Variants in ARID5B observed in about 807,000 individuals in gnomAD.
ARID5B encodes the protein AT-rich interactive domain-containing protein 5B.
A neutral mutation model predicts 97.2 loss-of-function variants in ARID5B; 13 were observed. The ratio of observed to expected loss-of-function variants is 0.13; its 90% confidence interval spans 0.09 to 0.21. ARID5B has a LOEUF of 0.21. ARID5B is among the 10% of genes least tolerant of loss of function. The pLI, the probability that ARID5B is intolerant of heterozygous loss-of-function variation, is 1.00. For missense variants in ARID5B, 1,210 were observed against 1,465.3 expected (o/e 0.83, Z 2.84); for synonymous variants, 556 against 570.3 (o/e 0.97, Z 0.36).
rs59658634 is a variant in ARID5B at position 61,952,843 on chromosome 10, G to GGTGTGTGT, written c.502+12455_502+12462dup. On this transcript the variant is annotated intron_variant, in intron 3 of 9. Coordinates refer to ENST00000279873, the MANE Select transcript of ARID5B (RefSeq NM_032199.3). Reference sequence around the variant, plus strand: ...CCTGAGGATTGTAGGTGGTGTTATAGGTGTGTGTGTGTGTGTGTGTGTGTG... The same window carrying GGTGTGTGT: ...CCTGAGGATTGTAGGTGGTGTTATAGGTGTGTGTGTGTGTGTGTGTGTGTGTGTGTGTG... Among the ~76,000 whole-genome samples the GGTGTGTGT allele has an allele frequency of 4.7e-5, 7 of 147,776 alleles. No homozygotes were observed. In the South Asian group the frequency reaches 8.7e-4, roughly 18 times the overall value.
intron 2 of ARID5B, among the ~76,000 whole-genome samples, chr10:61,912,260 G>A (rs934697381): frequency 1.1e-4 from 16 of 152,132 alleles, no homozygotes; most frequent in Non-Finnish European, 4.4e-5. Flanking sequence ...TTTAAAATGT[G>A]TATATATAGG....
intron 8 of ARID5B, among the ~76,000 whole-genome samples, chr10:62,084,792 G>C (rs1840259439): frequency 6.6e-6 from 1 of 152,138 alleles, no homozygotes; most frequent in Non-Finnish European, 1.5e-5. Context: ...TATGCAGTTT[G>C]TTTAAAAAGT....
At chr10:61,930,604 C>G (rs770811059) in intron 2 of ARID5B, among the ~76,000 whole-genome samples, 1 of 151,870 alleles carries the variant, frequency 6.6e-6, no homozygotes, top group Admixed American at 6.6e-5. Context: ...CCTGTAGTCC[C>G]AGCTACTCGG....
At chr10:62,011,732 T>G (rs186256061) in intron 4 of ARID5B, among the ~76,000 whole-genome samples, 1 of 152,346 alleles carries the variant, frequency 6.6e-6, no homozygotes, top group East Asian at 1.9e-4. Flanking sequence ...CAAGTGTCCT[T>G]GACCCCACCA....
chr10:61,913,724 T>C (rs1843848885), intron 2 of ARID5B, among the ~76,000 whole-genome samples: 1 of 152,196 alleles, frequency 6.6e-6, no homozygotes, highest in Non-Finnish European at 1.5e-5. Context: ...GTATGGACTT[T>C]ACTGGAATGG....
At chr10:61,963,678 A>G (rs1838504750) in intron 3 of ARID5B, among the ~76,000 whole-genome samples, 1 of 151,800 alleles carries the variant, frequency 6.6e-6, no homozygotes, top group Non-Finnish European at 1.5e-5. Context: ...AAAATGATAC[A>G]TGAGGGTGTT....
In ARID5B at chr10:62,057,142, T is replaced by C; in HGVS notation, c.872T>C (p.Leu291Ser). The C allele has an allele frequency of 2.5e-6, 4 of 1,613,682 alleles. No homozygotes were observed. The highest frequency in any genetic ancestry group is 3.4e-6 in the Non-Finnish European group (4 of 1,179,760). ...GTGAAATGTGAGGCCAGGTCAGCCTTGACCAAGCCGAAGAATAACCATAAC... is the reference window on the plus strand; with the variant it reads ...GTGAAATGTGAGGCCAGGTCAGCCTCGACCAAGCCGAAGAATAACCATAAC... ...AKVKCEARSALTKPKNNHNCK... is the reference protein window; with the variant it reads ...AKVKCEARSASTKPKNNHNCK... The change falls in exon 6 of 10, where the codon TTG becomes TCG. Residue 291 changes from leucine to serine, a missense_variant. By Grantham distance (145) the Leu-to-Ser change is moderately radical. Coordinates refer to ENST00000279873, the MANE Select transcript of ARID5B (RefSeq NM_032199.3).
At chr10:62,031,017 C>T (rs776616524) in intron 4 of ARID5B, among the ~76,000 whole-genome samples, 2 of 152,014 alleles carry the variant, frequency 1.3e-5, no homozygotes, top group Admixed American at 6.6e-5. Context: ...AGGTGGATCA[C>T]GAGGTCAGGA....
intron 3 of ARID5B, among the ~76,000 whole-genome samples, chr10:61,991,041 T>TACACACACACACACAC (rs397802272): frequency 0.015 from 2,124 of 145,094 alleles, 60 homozygotes; most frequent in African/African-American, 0.044. Flanking sequence ...ATTTATCCTG[T>TACACACACACACACAC]ACACACACAC....
In ARID5B at chr10:61,902,150, C is replaced by T; in HGVS notation, c.22-9C>T. 1 of 1,610,788 alleles carries T rather than the reference C, an allele frequency of 6.2e-7. No homozygotes were observed. On this transcript the variant is annotated splice_polypyrimidine_tract_variant and intron_variant, in intron 1 of 9. Transcript: ENST00000279873. ...ATTATTTATTTGGTGTTTTTTTCCC[C>T]CCCTGCAGTGGGTCGGCTCACCGTG...
intron 2 of ARID5B, among the ~76,000 whole-genome samples, chr10:61,908,807 A>AAAAAG (rs1461237593): frequency 6.7e-6 from 1 of 148,948 alleles, no homozygotes; most frequent in African/African-American, 2.5e-5. Context: ...CTCAAAAAAA[A>AAAAAG]AAAAAAAAAA....
Position 62,051,019 on chromosome 10 carries a change from C to T in ARID5B, c.846+19C>T, listed in dbSNP as rs372060091. On this transcript the variant is annotated intron_variant, in intron 5 of 9. Transcript: ENST00000279873. The stretch of plus-strand genomic sequence containing the variant: ...TGCCAAGGTACGGTCATTCACTCCA[C>T]GGTATTCATTTCGTTGCATCTTTTT... 140 of 1,584,104 alleles carry T rather than the reference C, an allele frequency of 8.8e-5. No homozygotes were observed. In the African/African-American group the frequency reaches 1.4e-3, roughly 16 times the overall value.
chr10:62,032,241 C>G (rs554540086), intron 4 of ARID5B, among the ~76,000 whole-genome samples: 79 of 152,270 alleles, frequency 5.2e-4, no homozygotes, highest in Non-Finnish European at 7.5e-4. Context: ...ATTGCTTGAG[C>G]CCAGGAGTTC....
Position 61,953,121 on chromosome 10 carries a change from C to T in ARID5B, c.502+12713C>T, listed in dbSNP as rs990640316. On this transcript the variant is annotated intron_variant, in intron 3 of 9. Transcript: ENST00000279873. The stretch of plus-strand genomic sequence containing the variant: ...TAGGCAATCACACCGTTTTAATCTT[C>T]GCCTCCCTTAAAATGGTTGCTTGCT... 4.6e-5 allele frequency among the ~76,000 whole-genome samples: 7 copies of T among 151,986 alleles called. No individual in the cohort carries two copies. The South Asian group carries it at 6.2e-4, about 14-fold the overall frequency.
chr10:62,013,412 A>G (rs1839242300), intron 4 of ARID5B, among the ~76,000 whole-genome samples: 1 of 152,220 alleles, frequency 6.6e-6, no homozygotes, highest in African/African-American at 2.4e-5. Context: ...TAATTAGCAC[A>G]TGCATTACCT....
At chr10:61,976,336 A>G (rs533857906) in intron 3 of ARID5B, among the ~76,000 whole-genome samples, 274 of 152,360 alleles carry the variant, frequency 1.8e-3, no homozygotes, top group African/African-American at 6.0e-3. Context: ...TTGCAACTAC[A>G]TAACAGAAGC....
intron 3 of ARID5B, among the ~76,000 whole-genome samples, chr10:61,963,200 T>A (rs973279026): frequency 1.3e-5 from 2 of 152,156 alleles, no homozygotes; most frequent in Non-Finnish European, 2.9e-5. Flanking sequence ...CTTTTTTAGT[T>A]CCCTAATTTC....
chr10:62,089,614 A>G (rs1362814363), intron 9 of ARID5B, among the ~76,000 whole-genome samples: 1 of 135,820 alleles, frequency 7.4e-6, no homozygotes, highest in Non-Finnish European at 1.5e-5. Context: ...CGCATCCTCC[A>G]CCTCTGGGGT....
chr10:62,012,402 T>C (rs1839229641), intron 4 of ARID5B, among the ~76,000 whole-genome samples: 1 of 152,162 alleles, frequency 6.6e-6, no homozygotes, highest in South Asian at 2.1e-4. Flanking sequence ...CACGCACCTG[T>C]AGTCCCAGCT....
Sources: allele counts gnomAD v4.1 joint callset (sites outside exome capture counted in the v4.1 genomes callset), GRCh38; gene constraint gnomAD v4.1.1; transcripts MANE v1.5; gene names NCBI Gene and HGNC (gene_info 2026-07-23, HGNC 2026-07-21).